RFWD3: variants seen among roughly 807,000 people sequenced by gnomAD.
The protein encoded by RFWD3 is E3 ubiquitin-protein ligase RFWD3.
In RFWD3, 65 loss-of-function variants were observed where a neutral mutation model predicts 87.7. The ratio of observed to expected loss-of-function variants is 0.74; its 90% CI spans 0.61 to 0.91. RFWD3 has a LOEUF of 0.91. Among genes scored for constraint, RFWD3 ranks in the 40% least tolerant of loss-of-function variants. The probability of loss-of-function intolerance (pLI) is 0.00; values close to 1 mark genes in which losing one functional copy is unlikely to be tolerated. For synonymous variants in RFWD3, 433 were observed against 352.8 expected (o/e 1.23, Z -2.55); for missense variants, 1,078 against 938.5 (o/e 1.15, Z -1.94).
chr16:74,645,331 T>C (rs1394997597), intron 4 of RFWD3, among the ~76,000 whole-genome samples: 1 of 152,240 alleles, frequency 6.6e-6, no homozygotes, highest in Non-Finnish European at 1.5e-5. Flanking sequence ...CATAGCAATC[T>C]CTCTGCTAGA....
intron 2 of RFWD3, among the ~76,000 whole-genome samples, chr16:74,655,396 C>T (rs563930964): frequency 7.9e-5 from 12 of 151,812 alleles, no homozygotes; most frequent in South Asian, 4.2e-4. Context: ...CCCGCCACCA[C>T]GCCTGGCTAA....
chr16:74,637,805 C>T (rs761171705), intron 7 of RFWD3, 51 bp downstream of exon 7: 2 of 1,329,172 alleles, frequency 1.5e-6, no homozygotes, highest in East Asian at 2.3e-5. Context: ...CATTAGCTTC[C>T]TCTTCCATTC....
intron 2 of RFWD3, 134 bp from the exon 3 acceptor site, chr16:74,652,256 G>A: frequency 1.3e-6 from 1 of 742,170 alleles, no homozygotes; most frequent in East Asian, 2.7e-5. Context: ...GAAAGCTGAA[G>A]CAGGTATAGC....
chr16:74,638,116 ATCTC>A (rs1462987704), intron 6 of RFWD3, 146 bp from the exon 7 acceptor site: 1 of 538,932 alleles, frequency 1.9e-6, no homozygotes, highest in Non-Finnish European at 3.4e-6. Context: ...AAAGAGAAAA[ATCTC>A]TCCAGAAACA....
Position 74,636,149 on chromosome 16 carries a change from T to C in RFWD3, c.1426+197A>G, listed in dbSNP as rs145725234. Among the ~76,000 whole-genome samples the C allele has an allele frequency of 5.9e-5, 9 of 152,312 alleles. No individual in the cohort carries two copies. The East Asian group carries it at 1.7e-3, about 29-fold the overall frequency. On this transcript the variant is annotated intron_variant, in intron 8 of 12. Transcript: ENST00000361070. ...CATGGTTATCAGTATTTCTACCCTC[T>C]TGGTTAATAAATTTACAGAATGAAG...
At chr16:74,663,360 T>A (rs1404290139) in intron 1 of RFWD3, among the ~76,000 whole-genome samples, 1 of 151,916 alleles carries the variant, frequency 6.6e-6, no homozygotes, top group Non-Finnish European at 1.5e-5. Flanking sequence ...GGAGGAAACA[T>A]GGGAATGTGG....
chr16:74,643,144 T>C (rs1959801952), intron 6 of RFWD3, among the ~76,000 whole-genome samples: 1 of 152,166 alleles, frequency 6.6e-6, no homozygotes, highest in Non-Finnish European at 1.5e-5. Flanking sequence ...GCTTTTTTTC[T>C]TTCTTTTAAA....
intron 12 of RFWD3, among the ~76,000 whole-genome samples, chr16:74,624,979 C>T (rs1958883713): frequency 6.6e-6 from 1 of 151,762 alleles, no homozygotes; most frequent in African/African-American, 2.4e-5. Flanking sequence ...GAGTAAGATA[C>T]TGTCACTTAA....
At chr16:74,664,718 CA>C (rs1842212370) in intron 1 of RFWD3, 1 of 151,356 alleles carries the variant, frequency 6.6e-6, no homozygotes. Flanking sequence ...CACTGCACTC[CA>C]GACCGGGAGA....
At chr16:74,640,744 C>G (rs1168848966) in intron 6 of RFWD3, among the ~76,000 whole-genome samples, 1 of 151,746 alleles carries the variant, frequency 6.6e-6, no homozygotes, top group African/African-American at 2.4e-5. Flanking sequence ...TCAAGACCAT[C>G]CTGGCCAAGA....
At position 74,637,928 on chromosome 16, in the gene RFWD3, T is replaced by A. The variant is rs1959289914; in HGVS notation, c.1122A>T (p.Leu374Phe). ...GTTGGAGTCGGCACTGTGCTGATTC[T>A]AACTCGGCCTGTTTCCTTAGCATCT... The part of the protein sequence containing the change: ...KEQMLRKQAE[L>F]ESAQCRLQLQ... The change falls in exon 7 of 13, where the codon TTA becomes TTT. Residue 374 changes from leucine to phenylalanine, a missense_variant. Leu to Phe is a conservative substitution (Grantham distance 22, BLOSUM62 0). Coordinates refer to ENST00000361070, the MANE Select transcript of RFWD3 (RefSeq NM_018124.4). 6.2e-7 allele frequency: 1 copy of A among 1,612,522 alleles called. No individual in the cohort carries two copies. The highest frequency in any genetic ancestry group is 2.2e-5 in the East Asian group (1 of 44,856).
At chr16:74,666,143 C>A (rs1454695964) in intron 1 of RFWD3, among the ~76,000 whole-genome samples, 3 of 151,702 alleles carry the variant, frequency 2.0e-5, no homozygotes, top group Non-Finnish European at 4.4e-5. Context: ...TCTTTTACTA[C>A]ATGGGGAAAG....
intron 12 of RFWD3, among the ~76,000 whole-genome samples, chr16:74,625,713 C>T (rs967939700): frequency 3.3e-5 from 5 of 152,158 alleles, no homozygotes; most frequent in Non-Finnish European, 5.9e-5. Context: ...TGAAAGTTAG[C>T]GCTAGCTTCT....
chr16:74,649,577 A>C (rs962157747), intron 3 of RFWD3, among the ~76,000 whole-genome samples: 2 of 152,204 alleles, frequency 1.3e-5, no homozygotes, highest in African/African-American at 4.8e-5. Flanking sequence ...AAACTTCTGC[A>C]ACACTGATAA....
chr16:74,625,506 C>T (rs919724302), intron 12 of RFWD3, among the ~76,000 whole-genome samples: 2 of 121,402 alleles, frequency 1.6e-5, no homozygotes, highest in African/African-American at 3.7e-5. Flanking sequence ...AGAGCGAGAC[C>T]GTCTCAAGAA....
chr16:74,644,288 A>G (rs1040807428), intron 6 of RFWD3, 74 bp downstream of exon 6: 1 of 1,450,086 alleles, frequency 6.9e-7, no homozygotes. Flanking sequence ...CGAGTGACTC[A>G]TAACTTCTTT....
At chr16:74,624,192 G>T in intron 12 of RFWD3, 121 bp from the exon 13 acceptor site, 1 of 1,199,594 alleles carries the variant, frequency 8.3e-7, no homozygotes, top group Non-Finnish European at 1.1e-6. Flanking sequence ...GAGCAAAGCA[G>T]GCTGTCCCTA....
intron 6 of RFWD3, 93 bp from the exon 7 acceptor site, chr16:74,638,063 C>T (rs947026457): frequency 2.9e-5 from 21 of 715,686 alleles, no homozygotes; most frequent in East Asian, 5.7e-5. Context: ...CTATGATGCA[C>T]GTTCTTTGCT....
At chr16:74,639,783 A>G (rs1480090901) in intron 6 of RFWD3, among the ~76,000 whole-genome samples, 1 of 152,220 alleles carries the variant, frequency 6.6e-6, no homozygotes, top group East Asian at 1.9e-4. Context: ...TATAGCTTGG[A>G]ATATGTGAGA....
Sources: gnomAD v4.1 joint callset for allele counts (sites outside exome capture counted in the v4.1 genomes callset) on GRCh38, gnomAD v4.1.1 for gene constraint, MANE v1.5 for transcripts, NCBI Gene and HGNC (gene_info 2026-07-23, HGNC 2026-07-21) for gene names.